RNF169: variants seen among roughly 807,000 people sequenced by gnomAD.
RNF169 encodes the protein ring finger protein 169, also known as E3 ubiquitin-protein ligase RNF169.
A neutral mutation model predicts 53.9 loss-of-function variants in RNF169; 24 were observed. That is an observed-to-expected ratio of 0.45 (90% CI 0.32 to 0.63). The LOEUF (loss-of-function observed/expected upper bound fraction) is 0.63, where lower values mean the gene tolerates loss of function less well. RNF169 is among the 20% of genes least tolerant of loss of function. The probability of loss-of-function intolerance (pLI) is 0.04; values close to 1 mark genes in which losing one functional copy is unlikely to be tolerated. For synonymous variants in RNF169, 396 were observed against 363.5 expected (o/e 1.09, Z -1.02); for missense variants, 883 against 906.2 (o/e 0.97, Z 0.33).
intron 1 of RNF169, among the ~76,000 whole-genome samples, chr11:74,789,401 A>G (rs562636314): frequency 5.3e-4 from 81 of 152,234 alleles, no homozygotes; most frequent in Non-Finnish European, 9.3e-4. Context: ...AAAAATTAAT[A>G]TATATTTAGA....
chr11:74,837,603 C>G lies in RNF169; in HGVS notation c.*873C>G, dbSNP rs2036276701. Reference sequence around the variant, plus strand: ...ATATGTGCATTATCCCCATCCCCCACAGTTTAGAGCCTTCTGCTTTTCTGG... The same window carrying G: ...ATATGTGCATTATCCCCATCCCCCAGAGTTTAGAGCCTTCTGCTTTTCTGG... On this transcript the variant is annotated 3_prime_UTR_variant, in exon 6 of 6. Coordinates refer to ENST00000299563, the MANE Select transcript of RNF169 (RefSeq NM_001098638.2). 6.6e-6 allele frequency: 1 copy of G among 152,256 alleles called. No homozygotes were observed. Among genetic ancestry groups the G allele is most frequent in the African/African-American group, 2.4e-5 (1 of 41,468 alleles). 9.4% of individuals were successfully genotyped at this position (152,256 alleles called of 1,614,324 possible).
chr11:74,755,154 G>A (rs2034962361), intron 1 of RNF169, among the ~76,000 whole-genome samples: 2 of 152,150 alleles, frequency 1.3e-5, no homozygotes, highest in Non-Finnish European at 2.9e-5. Context: ...ACACATATCC[G>A]AGAATTTGAG....
intron 1 of RNF169, among the ~76,000 whole-genome samples, chr11:74,786,244 C>CT (rs140407738): frequency 0.2 from 25,641 of 131,320 alleles, 2,485 homozygotes; most frequent in South Asian, 0.38. Flanking sequence ...TGGCCTGTTT[C>CT]TTTTTTTTTT....
intron 4 of RNF169, among the ~76,000 whole-genome samples, chr11:74,825,997 G>A (rs1392834314): frequency 1.3e-5 from 2 of 152,184 alleles, no homozygotes; most frequent in Non-Finnish European, 2.9e-5. Flanking sequence ...GAGGGAGTGA[G>A]TGAATGAATG....
intron 2 of RNF169, 126 bp from the exon 3 acceptor site, chr11:74,810,058 G>A (rs2035854344): frequency 1.3e-6 from 1 of 787,538 alleles, no homozygotes; most frequent in African/African-American, 1.7e-5. Context: ...GGGCTCTATA[G>A]CTGATAAGAA....
At chr11:74,774,371 GAAAC>G (rs557788577) in intron 1 of RNF169, among the ~76,000 whole-genome samples, 31 of 148,880 alleles carry the variant, frequency 2.1e-4, no homozygotes, top group Admixed American at 1.1e-3. Flanking sequence ...AAAAAAACAA[GAAAC>G]AAACAAAAAA....
intron 1 of RNF169, among the ~76,000 whole-genome samples, chr11:74,785,644 A>C (rs1487922453): frequency 6.6e-6 from 1 of 152,110 alleles, no homozygotes; most frequent in Non-Finnish European, 1.5e-5. Context: ...AATATAGCAC[A>C]GTCCTGTTGG....
chr11:74,749,518 C>A, intron 1 of RNF169, 136 bp downstream of exon 1: 1 of 719,672 alleles, frequency 1.4e-6, no homozygotes, highest in Non-Finnish European at 1.8e-6. Context: ...AACCCGGGCT[C>A]TACCCAGGTG....
intron 1 of RNF169, among the ~76,000 whole-genome samples, chr11:74,762,314 AT>A (rs1180550374): frequency 6.6e-6 from 1 of 151,772 alleles, no homozygotes; most frequent in Non-Finnish European, 1.5e-5. Context: ...CGTCAAAATC[AT>A]TCTCCATCCA....
chr11:74,828,151 C>T (rs920149322), intron 4 of RNF169, among the ~76,000 whole-genome samples: 16 of 152,274 alleles, frequency 1.1e-4, no homozygotes, highest in Admixed American at 8.5e-4. Context: ...GATACAAAAT[C>T]ATTGTACAAA....
intron 1 of RNF169, among the ~76,000 whole-genome samples, chr11:74,765,154 A>C (rs545964508): frequency 3.9e-5 from 6 of 152,302 alleles, no homozygotes; most frequent in African/African-American, 1.2e-4. Context: ...GACTGCAGTA[A>C]GCTGTGTTCG....
chr11:74,800,019 T>C (rs2035707425), intron 2 of RNF169, among the ~76,000 whole-genome samples: 2 of 151,104 alleles, frequency 1.3e-5, no homozygotes, highest in African/African-American at 2.4e-5. Flanking sequence ...TCAACATTTT[T>C]AATGGCTATA....
In RNF169 at chr11:74,836,237, G is replaced by A. The variant is rs759149333; in HGVS notation, c.1634G>A (p.Arg545Lys). The change falls in exon 6 of 6, where the codon AGG becomes AAG. Residue 545 changes from arginine (R) to lysine (K), a missense_variant. Physicochemically the swap from Arg to Lys is conservative, Grantham distance 26. Coordinates refer to ENST00000299563, the MANE Select transcript of RNF169 (RefSeq NM_001098638.2). ...KGGGSGTSLEREQFEGLGSTP... is the reference protein window; with the variant it reads ...KGGGSGTSLEKEQFEGLGSTP... ...GGAGGCAGTGGGACTTCTTTGGAGA[G>A]GGAGCAGTTTGAGGGGTTAGGGTCA... 5.6e-6 allele frequency: 9 copies of A among 1,614,050 alleles called. No individual in the cohort carries two copies. Among genetic ancestry groups the A allele is most frequent in the Non-Finnish European group, 7.6e-6 (9 of 1,180,032 alleles).
chr11:74,836,898 C>T lies in RNF169; in HGVS notation c.*168C>T, dbSNP rs1349537466. 1.5e-5 allele frequency: 9 copies of T among 598,474 alleles called. No individual in the cohort carries two copies. The highest frequency in any genetic ancestry group is 8.8e-5 in the South Asian group (4 of 45,310). 37.1% of individuals were successfully genotyped at this position (598,474 alleles called of 1,614,324 possible). A position where few individuals can be genotyped will look rare whatever the true frequency, so the allele number is the denominator to read the frequency against. On this transcript the variant is annotated 3_prime_UTR_variant, in exon 6 of 6. Coordinates refer to ENST00000299563, the MANE Select transcript of RNF169 (RefSeq NM_001098638.2). ...TCAATATCCAAGGGAAAAGCATCTC[C>T]GTTTCTCTGTGACCCAGGCCAGAAG...
chr11:74,776,066 A>C (rs1180661337), intron 1 of RNF169, among the ~76,000 whole-genome samples: 1 of 148,770 alleles, frequency 6.7e-6, no homozygotes, highest in African/African-American at 2.6e-5. Context: ...AATATGACTT[A>C]CTGTCTTCCC....
At chr11:74,806,620 A>G (rs1021894293) in intron 2 of RNF169, among the ~76,000 whole-genome samples, 2 of 152,266 alleles carry the variant, frequency 1.3e-5, no homozygotes, top group African/African-American at 4.8e-5. Context: ...AAACAAAACA[A>G]GAAATAATAA....
chr11:74,834,989 C>CT (rs1006603990), intron 5 of RNF169, among the ~76,000 whole-genome samples: 13 of 151,062 alleles, frequency 8.6e-5, no homozygotes, highest in African/African-American at 1.7e-4. Context: ...ATCCCCCCTT[C>CT]TTTTTTTTTA....
Position 74,814,380 on chromosome 11 carries a change from CTT to C in RNF169, c.724-3198_724-3197del, listed in dbSNP as rs35427771. On this transcript the variant is annotated intron_variant, in intron 3 of 5. Transcript: ENST00000299563. ...ATTGTAGGTGTTCTTTCTTTCTTGC[CTT>C]TTTTTTTTTTTTTTTTTGAGACAGG... is the stretch of plus-strand genomic sequence containing the variant. Among the ~76,000 whole-genome samples the C allele has an allele frequency of 1.7e-3, 165 of 96,216 alleles. 1 individual carries two copies. The highest frequency in any genetic ancestry group is 6.0e-3 in the African/African-American group (149 of 24,824). 63.1% of individuals were successfully genotyped at this position (96,216 alleles called of 152,430 possible).
At chr11:74,806,112 A>G (rs1411968585) in intron 2 of RNF169, among the ~76,000 whole-genome samples, 1 of 152,152 alleles carries the variant, frequency 6.6e-6, no homozygotes, top group Admixed American at 6.5e-5. Context: ...TTCATATCCA[A>G]AAAATATAAA....
Sources: gnomAD v4.1 joint callset for allele counts (sites outside exome capture counted in the v4.1 genomes callset) on GRCh38, gnomAD v4.1.1 for gene constraint, MANE v1.5 for transcripts, NCBI Gene and HGNC (gene_info 2026-07-23, HGNC 2026-07-21) for gene names.